The following MYOM2 variants were observed in gnomAD, a reference collection of about 807,000 sequenced individuals.
The protein encoded by MYOM2 is myomesin-2.
In MYOM2, 254 loss-of-function variants were observed where a neutral mutation model predicts 187.6. The observed-to-expected ratio is 1.35, with a 90% CI of 1.22 to 1.50. The LOEUF (loss-of-function observed/expected upper bound fraction) is 1.50, where lower values mean the gene tolerates loss of function less well. MYOM2 is among the 40% of genes most tolerant of loss of function. MYOM2 has a pLI of 0.00. For synonymous variants in MYOM2, 981 were observed against 753.8 expected, an observed-to-expected ratio of 1.30 and a Z score of -4.94; for missense variants, 2,796 against 1,924.0, an observed-to-expected ratio of 1.45 and a Z score of -8.48.
chr8:2,125,757 A>G (rs1797614411), intron 31 of MYOM2, among the ~76,000 whole-genome samples: 1 of 151,492 alleles, frequency 6.6e-6, no homozygotes, highest in Non-Finnish European at 1.5e-5. Context: ...ACAGGCACGC[A>G]TCACCACACC....
intron 10 of MYOM2, among the ~76,000 whole-genome samples, chr8:2,074,653 C>T (rs990531396): frequency 4.6e-5 from 7 of 152,166 alleles, no homozygotes; most frequent in Admixed American, 2.6e-4. Flanking sequence ...TGGGATTTCA[C>T]CATGTTGGCC....
chr8:2,111,464 C>G (rs1342851540), intron 25 of MYOM2, among the ~76,000 whole-genome samples: 1 of 152,208 alleles, frequency 6.6e-6, no homozygotes, highest in Non-Finnish European at 1.5e-5. Flanking sequence ...CTTTTTCTTA[C>G]TCAGAGCCAG....
Position 2,083,518 on chromosome 8 carries a change from A to T in MYOM2, c.1517-1745A>T, listed in dbSNP as rs116471409. On this transcript the variant is annotated intron_variant, in intron 13 of 36. Coordinates refer to ENST00000262113, the MANE Select transcript of MYOM2 (RefSeq NM_003970.4). ...TCTCATGTGTGACTAGCAGCATCTC[A>T]CGTGTGCTTAGCGGCATCTTGCGTG... is the stretch of plus-strand genomic sequence containing the variant. Among the ~76,000 whole-genome samples the T allele has an allele frequency of 2.1e-3, 322 of 151,778 alleles. 2 individuals carry two copies. Among genetic ancestry groups the T allele is most frequent in the African/African-American group, 7.2e-3 (297 of 41,394 alleles).
chr8:2,143,026 G>C (rs1180029934), intron 35 of MYOM2, among the ~76,000 whole-genome samples: 1 of 151,960 alleles, frequency 6.6e-6, no homozygotes, highest in African/African-American at 2.4e-5. Flanking sequence ...AAAGTGTTGG[G>C]ATTACAGGCG....
chr8:2,124,063 G>A, intron 30 of MYOM2, 116 bp from the exon 31 acceptor site: 4 of 1,011,226 alleles, frequency 4.0e-6, no homozygotes, highest in Non-Finnish European at 5.9e-6. Flanking sequence ...CCATTTTAAT[G>A]ATTCATTTTT....
In MYOM2 at chr8:2,059,084, TG is replaced by T. The variant is rs1818766840; in HGVS notation, c.561-65del. 3.7e-6 allele frequency: 5 copies of T among 1,345,358 alleles called. No individual in the cohort carries two copies. The African/African-American group carries it at 5.7e-5, about 15-fold the overall frequency. The allele number at this position is 1,345,358 out of a possible 1,614,324, so 83.3% of individuals were successfully genotyped here. ...AAATGGGCAGCAGGCGCGGGGGAGCTGGGGCAGAATTGCACACACACAAAAT... is the reference window on the plus strand; with the variant it reads ...AAATGGGCAGCAGGCGCGGGGGAGCTGGGCAGAATTGCACACACACAAAAT... On this transcript the variant is annotated intron_variant, in intron 5 of 36. Transcript: ENST00000262113.
intron 32 of MYOM2, among the ~76,000 whole-genome samples, chr8:2,130,872 A>T (rs1025476955): frequency 6.6e-6 from 1 of 152,192 alleles, no homozygotes. Flanking sequence ...GAGTAAATCT[A>T]TGTTTCTAGC....
intron 21 of MYOM2, among the ~76,000 whole-genome samples, chr8:2,103,545 G>A (rs1796789054): frequency 6.6e-6 from 1 of 151,420 alleles, no homozygotes; most frequent in South Asian, 2.1e-4. Flanking sequence ...GTGTATGTAT[G>A]GATGGGTGTA....
rs113302883 is a variant in MYOM2, at chr8:2,124,777, T to C, written c.3694+560T>C. 1.7e-3 allele frequency among the ~76,000 whole-genome samples: 252 copies of C among 152,300 alleles called. 1 individual carries two copies. Among genetic ancestry groups the C allele is most frequent in the Middle Eastern group, 3.4e-3 (1 of 294 alleles). Reference sequence around the variant, plus strand: ...GTTTTATCTTTTGTCTTTTTGATAATAGCCATTCTAACAGGTGTGAGATGA... The same window carrying C: ...GTTTTATCTTTTGTCTTTTTGATAACAGCCATTCTAACAGGTGTGAGATGA... On this transcript the variant is annotated intron_variant, in intron 31 of 36. Transcript: ENST00000262113.
chr8:2,093,181 C>G (rs1485880003), intron 16 of MYOM2, among the ~76,000 whole-genome samples: 1 of 152,028 alleles, frequency 6.6e-6, no homozygotes, highest in African/African-American at 2.4e-5. Context: ...CTTTTAAAAT[C>G]TGAAAAAAAT....
At chr8:2,062,246 C>T (rs531902204) in intron 6 of MYOM2, among the ~76,000 whole-genome samples, 21 of 152,174 alleles carry the variant, frequency 1.4e-4, no homozygotes, top group East Asian at 3.9e-4. Flanking sequence ...TGGAGGGAGG[C>T]GGGGAGACCC....
intron 18 of MYOM2, among the ~76,000 whole-genome samples, 154 bp downstream of exon 18, chr8:2,096,588 A>G (rs553528355): frequency 1.3e-5 from 2 of 152,356 alleles, no homozygotes; most frequent in Admixed American, 1.3e-4. Flanking sequence ...TTGGAGCTAA[A>G]AAGATCCTAG....
intron 23 of MYOM2, among the ~76,000 whole-genome samples, chr8:2,107,985 G>A (rs923928922): frequency 6.6e-6 from 1 of 152,196 alleles, no homozygotes; most frequent in South Asian, 2.1e-4. Flanking sequence ...TTCATTCCAT[G>A]TATGGAAATT....
At chr8:2,055,789 C>G (rs1031804278) in intron 3 of MYOM2, among the ~76,000 whole-genome samples, 11 of 152,194 alleles carry the variant, frequency 7.2e-5, no homozygotes, top group Non-Finnish European at 4.4e-5. Flanking sequence ...GGCCTTACCG[C>G]CAACCTGCAG....
chr8:2,082,468 C>A (rs1326099504), intron 13 of MYOM2, among the ~76,000 whole-genome samples: 1 of 152,038 alleles, frequency 6.6e-6, no homozygotes, highest in African/African-American at 2.4e-5. Context: ...GAAACAGAAA[C>A]TCATTACTGT....
In MYOM2 at chr8:2,134,027, C is replaced by CCTCTTCCCCT. The variant is rs1797968861; in HGVS notation, c.3800+4795_3800+4796insCTCTTCCCCT. ...TAACGCCTTGTGTAGCCACCTCCAC[C>CCTCTTCCCCT]GTCTTCCCCTGAGGTTAGTGTATTG... On this transcript the variant is annotated intron_variant, in intron 32 of 36. Coordinates refer to ENST00000262113, the MANE Select transcript of MYOM2 (RefSeq NM_003970.4). Among the ~76,000 whole-genome samples the CCTCTTCCCCT allele has an allele frequency of 1.1e-4, 17 of 152,208 alleles. 2 individuals carry two copies. The highest frequency in any genetic ancestry group is 2.9e-4 in the African/African-American group (12 of 41,520).
rs766340362 is a variant in MYOM2, at chr8:2,085,330, C to T, written c.1584C>T (p.Val528=). Residue 528 remains valine (V), a synonymous_variant, in exon 14 of 37, where the codon GTC becomes GTT. Coordinates refer to ENST00000262113, the MANE Select transcript of MYOM2 (RefSeq NM_003970.4). The part of the protein sequence containing the change: ...HASEISRNYV[V]LSWEPPTPRG... ...CCGAGATCAGCAGAAACTATGTCGT[C>T]CTCAGCTGGGAGCCACCCACTCCCC... 42 of 1,614,050 alleles carry T rather than the reference C, an allele frequency of 2.6e-5. No homozygotes were observed. The highest frequency in any genetic ancestry group is 3.4e-5 in the Non-Finnish European group (40 of 1,180,018).
At chr8:2,137,870 C>A (rs77961468) in intron 32 of MYOM2, among the ~76,000 whole-genome samples, 4,763 of 152,180 alleles carry the variant, frequency 0.031, 258 homozygotes, top group African/African-American at 0.11. Context: ...GCTGTGATGT[C>A]CCTACAGTGT....
intron 3 of MYOM2, among the ~76,000 whole-genome samples, chr8:2,056,833 G>C (rs1416756459): frequency 6.6e-6 from 1 of 152,158 alleles, no homozygotes; most frequent in Non-Finnish European, 1.5e-5. Context: ...GCATCAAGCC[G>C]TTTATCGGAT....
Sources: gnomAD v4.1 joint callset for allele counts (sites outside exome capture counted in the v4.1 genomes callset) on GRCh38, gnomAD v4.1.1 for gene constraint, MANE v1.5 for transcripts, NCBI Gene and HGNC (gene_info 2026-07-23, HGNC 2026-07-21) for gene names.